R3HCC1L: variants seen among roughly 807,000 people sequenced by gnomAD.
R3HCC1L encodes R3H domain and coiled-coil containing 1 like.
In R3HCC1L, 51 loss-of-function variants were observed where a neutral mutation model predicts 59.9. The observed-to-expected ratio is 0.85, with a 90% CI of 0.68 to 1.07. R3HCC1L has a LOEUF of 1.07. Among genes scored for constraint, R3HCC1L ranks in the 50% least tolerant of loss-of-function variants. The pLI is 0.00. For missense variants in R3HCC1L, 965 were observed against 933.0 expected, an observed-to-expected ratio of 1.03 and a Z score of -0.45; for synonymous variants, 322 against 315.2, an observed-to-expected ratio of 1.02 and a Z score of -0.23.
At chr10:98,234,605 G>A in intron 7 of R3HCC1L, 89 bp downstream of exon 7, 1 of 1,387,892 alleles carries the variant, frequency 7.2e-7, no homozygotes, top group Non-Finnish European at 1.0e-6. Flanking sequence ...GAGCAAGTTG[G>A]CATCTTATTC....
chr10:98,189,962 G>A (rs1250035424), intron 4 of R3HCC1L, among the ~76,000 whole-genome samples: 1 of 152,180 alleles, frequency 6.6e-6, no homozygotes, highest in Non-Finnish European at 1.5e-5. Context: ...AGTATCCCTG[G>A]AGAATTGGTT....
Position 98,235,471 on chromosome 10 carries a change from C to T in R3HCC1L, c.2079C>T (p.Pro693=). The change falls in exon 8 of 10, where the codon CCC becomes CCT. Residue 693 remains proline (P), a synonymous_variant. Transcript: ENST00000298999. Reference sequence around the variant, plus strand: ...AACACACCATGGTGAAGATTCGTCCCTTGTCACAGGCCACAAGAGCAGCCA... The same window carrying T: ...AACACACCATGGTGAAGATTCGTCCTTTGTCACAGGCCACAAGAGCAGCCA... ...GIKHTMVKIR[P]LSQATRAAKA... The T allele has an allele frequency of 2.5e-6, 4 of 1,613,770 alleles. No homozygotes were observed. The highest frequency in any genetic ancestry group is 3.4e-6 in the Non-Finnish European group (4 of 1,179,808).
At chr10:98,172,872 TCTTTC>T (rs1848649693) in intron 4 of R3HCC1L, among the ~76,000 whole-genome samples, 1 of 152,148 alleles carries the variant, frequency 6.6e-6, no homozygotes, top group Non-Finnish European at 1.5e-5. Flanking sequence ...ACAGAAATAG[TCTTTC>T]AGCTCCAGAC....
At chr10:98,180,123 T>A (rs1387184889) in intron 4 of R3HCC1L, among the ~76,000 whole-genome samples, 1 of 152,170 alleles carries the variant, frequency 6.6e-6, no homozygotes, top group Non-Finnish European at 1.5e-5. Flanking sequence ...TGCTCTTGCT[T>A]CTCTAGTTCT....
intron 1 of R3HCC1L, among the ~76,000 whole-genome samples, chr10:98,146,591 A>G (rs1373793006): frequency 6.6e-6 from 1 of 152,166 alleles, no homozygotes. Context: ...GGCTTGTTTT[A>G]CTTAACACAA....
At chr10:98,146,738 T>C (rs926814499) in intron 1 of R3HCC1L, among the ~76,000 whole-genome samples, 2 of 152,366 alleles carry the variant, frequency 1.3e-5, no homozygotes, top group African/African-American at 2.4e-5. Flanking sequence ...CCAATTTCAT[T>C]CTTCTTCATG....
At chr10:98,141,018 T>C (rs76639232) in intron 1 of R3HCC1L, among the ~76,000 whole-genome samples, 3 of 149,170 alleles carry the variant, frequency 2.0e-5, no homozygotes, top group Admixed American at 2.0e-4. Context: ...ATTTTTCATG[T>C]TTTTTTTTTC....
At chr10:98,229,476 T>C (rs1856093904) in intron 5 of R3HCC1L, among the ~76,000 whole-genome samples, 2 of 152,200 alleles carry the variant, frequency 1.3e-5, no homozygotes, top group Admixed American at 6.5e-5. Context: ...TAAGGAGATT[T>C]TGGGCTGAGA....
In R3HCC1L at chr10:98,209,063, C is replaced by T. The variant is rs377398446; in HGVS notation, c.949C>T (p.Leu317=). The T allele has an allele frequency of 4.7e-5, 76 of 1,613,806 alleles. No individual in the cohort carries two copies. In the South Asian group the frequency reaches 7.9e-4, roughly 17 times the overall value. The part of the protein sequence containing the change: ...SIPATMGHIS[L]SESTNDTVSP... ...TCCTGCAACTATGGGTCACATCTCT[C>T]TGTCAGAGAGCACAAATGACACTGT... is the stretch of plus-strand genomic sequence containing the variant. Residue 317 remains leucine, a synonymous_variant, in exon 5 of 10, where the codon CTG becomes TTG. Coordinates refer to ENST00000298999, the MANE Select transcript of R3HCC1L (RefSeq NM_001351015.2).
At chr10:98,174,268 C>T (rs1276281242) in intron 4 of R3HCC1L, among the ~76,000 whole-genome samples, 1 of 152,068 alleles carries the variant, frequency 6.6e-6, no homozygotes, top group Admixed American at 6.5e-5. Flanking sequence ...TCTGGAGATA[C>T]GAAGATGAAT....
At chr10:98,152,489 A>G (rs1244612026) in intron 1 of R3HCC1L, among the ~76,000 whole-genome samples, 1,550 of 90,378 alleles carry the variant, frequency 0.017, 25 homozygotes, top group South Asian at 0.036. Context: ...CCCGGCCGCC[A>G]TCCCGTCTAG....
At chr10:98,190,204 A>C (rs888762367) in intron 4 of R3HCC1L, among the ~76,000 whole-genome samples, 1 of 152,210 alleles carries the variant, frequency 6.6e-6, no homozygotes, top group Non-Finnish European at 1.5e-5. Context: ...TTTTAACTGA[A>C]TATTTCCATC....
chr10:98,171,285 A>G (rs1454090100), intron 4 of R3HCC1L, among the ~76,000 whole-genome samples: 3 of 152,196 alleles, frequency 2.0e-5, no homozygotes, highest in Non-Finnish European at 4.4e-5. Context: ...ATTCTGACCT[A>G]TACAATCCCT....
chr10:98,238,877 A>G (rs542155980), intron 9 of R3HCC1L, among the ~76,000 whole-genome samples: 1 of 152,360 alleles, frequency 6.6e-6, no homozygotes, highest in African/African-American at 2.4e-5. Context: ...TTAAATCTGC[A>G]TGATAGTTTA....
chr10:98,208,487 G>T lies in R3HCC1L; in HGVS notation c.373G>T (p.Ala125Ser). 6.2e-7 allele frequency: 1 copy of T among 1,614,176 alleles called. No individual in the cohort carries two copies. The highest frequency in any genetic ancestry group is 1.1e-5 in the South Asian group (1 of 91,086). ...ATTATCCCAAGGACAACAGCAGGGA[G>T]CCCCAAATGCTGGGGTTATAACTAA... is the stretch of plus-strand genomic sequence containing the variant. ...EVLSQGQQQGAPNAGVITNAP... is the reference protein window; with the variant it reads ...EVLSQGQQQGSPNAGVITNAP... The change falls in exon 5 of 10, where the codon GCC becomes TCC. Residue 125 changes from alanine to serine, a missense_variant. Physicochemically the swap from Ala to Ser is moderately conservative, Grantham distance 99 (BLOSUM62 1). Transcript: ENST00000298999.
intron 5 of R3HCC1L, among the ~76,000 whole-genome samples, chr10:98,229,060 A>G (rs1228175954): frequency 6.6e-5 from 10 of 151,972 alleles, no homozygotes; most frequent in South Asian, 2.1e-4. Context: ...TTGACTTGGC[A>G]ATGCAGGCTC....
At chr10:98,135,269 G>GT (rs1176146809) in intron 1 of R3HCC1L, among the ~76,000 whole-genome samples, 1 of 152,226 alleles carries the variant, frequency 6.6e-6, no homozygotes, top group East Asian at 1.9e-4. Context: ...CCCCCTCTCA[G>GT]TTGTGTACGG....
At chr10:98,228,732 CTT>C (rs934344410) in intron 5 of R3HCC1L, among the ~76,000 whole-genome samples, 2 of 152,168 alleles carry the variant, frequency 1.3e-5, no homozygotes, top group Non-Finnish European at 1.5e-5. Context: ...ACATTTAAGT[CTT>C]TAATCCATCT....
chr10:98,135,426 G>A lies in R3HCC1L; in HGVS notation c.-268+720G>A, dbSNP rs373071573. Among the ~76,000 whole-genome samples, 5 of 152,272 alleles carry A rather than the reference G, an allele frequency of 3.3e-5. No individual in the cohort carries two copies. The South Asian group carries it at 1.0e-3, about 32-fold the overall frequency. On this transcript the variant is annotated intron_variant, in intron 1 of 9. Coordinates refer to ENST00000298999, the MANE Select transcript of R3HCC1L (RefSeq NM_001351015.2). ...GTGGGGTTAATGTTCTTTGCCCTGCGGCCTTCCAGGGTTGTGGGCTTCAGC... is the reference window on the plus strand; with the variant it reads ...GTGGGGTTAATGTTCTTTGCCCTGCAGCCTTCCAGGGTTGTGGGCTTCAGC...
Sources: gnomAD v4.1 joint callset for allele counts (sites outside exome capture counted in the v4.1 genomes callset) on GRCh38, gnomAD v4.1.1 for gene constraint, MANE v1.5 for transcripts, NCBI Gene and HGNC (gene_info 2026-07-23, HGNC 2026-07-21) for gene names.